Variants in TENM3 observed in about 807,000 individuals in gnomAD.
TENM3 encodes teneurin transmembrane protein 3, also known as teneurin-3.
In TENM3, 63 loss-of-function variants were observed where a neutral mutation model predicts 255.1. The ratio of observed to expected loss-of-function variants is 0.25; its 90% CI spans 0.20 to 0.30. The LOEUF (loss-of-function observed/expected upper bound fraction) is 0.30. Ranked by LOEUF, TENM3 falls within the 10% of genes least tolerant of loss-of-function variation. The pLI is 1.00. For synonymous variants in TENM3, 1,306 were observed against 1,322.3 expected (o/e 0.99, Z 0.27); for missense variants, 2,929 against 3,461.1 (o/e 0.85, Z 3.86).
Position 182,466,853 on chromosome 4 carries a change from G to GTT in TENM3, c.511+119937_511+119938dup, listed in dbSNP as rs57656357. ...AAAATGCTTCTCTTTGCTGTCTTCA[G>GTT]TTTTTTTTTTTTTTCCTTTCCCATT... On this transcript the variant is annotated intron_variant, in intron 3 of 27. Coordinates refer to ENST00000511685, the MANE Select transcript of TENM3 (RefSeq NM_001080477.4). 4.0e-3 allele frequency among the ~76,000 whole-genome samples: 577 copies of GTT among 143,744 alleles called. 5 individuals are homozygous for GTT. The East Asian group carries it at 0.052, about 13-fold the overall frequency. 94.3% of individuals were successfully genotyped at this position (143,744 alleles called of 152,430 possible).
chr4:181,484,201 C>T, the TENM3 span, among the ~76,000 whole-genome samples: 1 of 152,056 alleles, frequency 6.6e-6, no homozygotes, highest in Admixed American at 6.6e-5. Flanking sequence ...ACAGCCATCA[C>T]ACTAAAGCAA....
intron 1 of TENM3, among the ~76,000 whole-genome samples, chr4:182,205,949 C>T (rs1229308975): frequency 1.3e-5 from 2 of 152,014 alleles, no homozygotes; most frequent in East Asian, 3.9e-4. Context: ...TGGACTGCCT[C>T]TCACCAAGCA....
chr4:181,934,384 A>G, the TENM3 span, among the ~76,000 whole-genome samples: 1 of 152,184 alleles, frequency 6.6e-6, no homozygotes, highest in South Asian at 2.1e-4. Flanking sequence ...TCCTCAGCAA[A>G]TGGAAAGTAT....
chr4:182,145,198 C>T (rs1406418248), intron 1 of TENM3: 2 of 152,148 alleles, frequency 1.3e-5, no homozygotes, highest in Non-Finnish European at 2.9e-5. Flanking sequence ...CGGAAAGCCC[C>T]GGGATGTCAC....
chr4:181,592,939 C>A, the TENM3 span, among the ~76,000 whole-genome samples: 3 of 152,114 alleles, frequency 2.0e-5, no homozygotes, highest in African/African-American at 7.2e-5. Context: ...TTGAGTTGAA[C>A]ACAAAAGAAA....
intron 12 of TENM3, among the ~76,000 whole-genome samples, chr4:182,704,889 C>A (rs1758163174): frequency 6.9e-6 from 1 of 144,474 alleles, no homozygotes. Context: ...AATTAATTGA[C>A]TTTCCTAAAT....
intron 1 of TENM3, among the ~76,000 whole-genome samples, chr4:182,155,430 T>C (rs1750640192): frequency 6.6e-6 from 1 of 152,106 alleles, no homozygotes; most frequent in Non-Finnish European, 1.5e-5. Flanking sequence ...TCTTCTCAAA[T>C]ATTTTATATC....
the TENM3 span, among the ~76,000 whole-genome samples, chr4:181,781,704 A>G: frequency 1.0e-3 from 154 of 152,284 alleles, no homozygotes; most frequent in Non-Finnish European, 1.1e-3. Context: ...GCCAGTTTTC[A>G]AAGGGACTGC....
the TENM3 span, among the ~76,000 whole-genome samples, chr4:181,483,250 G>T: frequency 1.3e-5 from 2 of 151,968 alleles, no homozygotes; most frequent in Non-Finnish European, 2.9e-5. Flanking sequence ...TTGGGAACGT[G>T]TTTTTTTAAT....
upstream of TENM3, among the ~76,000 whole-genome samples, chr4:182,241,418 T>C (rs28582593): frequency 0.3 from 44,844 of 151,804 alleles, 9,137 homozygotes; most frequent in African/African-American, 0.58. Flanking sequence ...CTGGGCCCTG[T>C]GTGGCATTCC....
Position 182,667,915 on chromosome 4 carries a change from T to C in TENM3, c.1112-5090T>C, listed in dbSNP as rs190544243. 3.7e-3 allele frequency among the ~76,000 whole-genome samples: 558 copies of C among 152,062 alleles called. 2 individuals carry two copies. Among genetic ancestry groups the C allele is most frequent in the African/African-American group, 0.012 (513 of 41,466 alleles). Reference sequence around the variant, plus strand: ...TATACATATGTAACAAACCTGCACGTTTTGCACGTGTACCCTAGAACTTAA... The same window carrying C: ...TATACATATGTAACAAACCTGCACGCTTTGCACGTGTACCCTAGAACTTAA... On this transcript the variant is annotated intron_variant, in intron 6 of 27. Coordinates refer to ENST00000511685, the MANE Select transcript of TENM3 (RefSeq NM_001080477.4).
chr4:181,868,411 G>T, the TENM3 span, among the ~76,000 whole-genome samples: 22 of 152,176 alleles, frequency 1.4e-4, no homozygotes, highest in Middle Eastern at 0.01. Context: ...GAACAAGAAG[G>T]CCAAGTGATT....
At chr4:181,634,600 T>G in the TENM3 span, among the ~76,000 whole-genome samples, 1 of 152,152 alleles carries the variant, frequency 6.6e-6, no homozygotes, top group Non-Finnish European at 1.5e-5. Context: ...ATATTTTAAG[T>G]CTCTCTTGTA....
the TENM3 span, among the ~76,000 whole-genome samples, chr4:182,132,991 T>C: frequency 5.9e-5 from 9 of 152,206 alleles, no homozygotes; most frequent in Non-Finnish European, 1.3e-4. Context: ...GGTGGGCACG[T>C]TGTCTGCAAG....
the TENM3 span, among the ~76,000 whole-genome samples, chr4:181,648,967 C>G: frequency 6.6e-6 from 1 of 152,290 alleles, no homozygotes; most frequent in East Asian, 1.9e-4. Flanking sequence ...TAAAATATGT[C>G]CTCCTTCATT....
intron 1 of TENM3, among the ~76,000 whole-genome samples, chr4:182,162,537 T>C (rs1751424169): frequency 6.6e-6 from 1 of 152,186 alleles, no homozygotes; most frequent in Non-Finnish European, 1.5e-5. Flanking sequence ...ACCTCATCAT[T>C]TCCAAGTTGG....
intron 3 of TENM3, among the ~76,000 whole-genome samples, chr4:182,460,308 G>A (rs1319050865): frequency 6.6e-6 from 1 of 152,070 alleles, no homozygotes; most frequent in South Asian, 2.1e-4. Flanking sequence ...AGACTTATCT[G>A]TTTAAGACAA....
At chr4:181,794,805 T>G in the TENM3 span, among the ~76,000 whole-genome samples, 1 of 152,128 alleles carries the variant, frequency 6.6e-6, no homozygotes, top group East Asian at 1.9e-4. Context: ...AAAATCACAC[T>G]TAGGATTCAT....
chr4:181,925,170 C>G, the TENM3 span, among the ~76,000 whole-genome samples: 8 of 152,244 alleles, frequency 5.3e-5, no homozygotes, highest in African/African-American at 1.9e-4. Flanking sequence ...TGTCAGCACA[C>G]TTACATTTAA....
Sources: allele counts gnomAD v4.1 joint callset (sites outside exome capture counted in the v4.1 genomes callset), GRCh38; gene constraint gnomAD v4.1.1; transcripts MANE v1.5; gene names NCBI Gene and HGNC (gene_info 2026-07-23, HGNC 2026-07-21).